Variants in TPRG1 observed in about 807,000 individuals in gnomAD.
The protein encoded by TPRG1 is tumor protein p63 regulated 1.
A neutral mutation model predicts 29.3 loss-of-function variants in TPRG1; 29 were observed. The ratio of observed to expected loss-of-function variants is 0.99; its 90% CI spans 0.74 to 1.35. The LOEUF (loss-of-function observed/expected upper bound fraction) is 1.35, where lower values mean the gene tolerates loss of function less well. Ranked by LOEUF, TPRG1 falls within the 40% of genes most tolerant of loss-of-function variation. The pLI, the probability that TPRG1 is intolerant of heterozygous loss-of-function variation, is 0.00. For missense variants in TPRG1, 327 were observed against 335.0 expected (o/e 0.98, Z 0.19); for synonymous variants, 130 against 116.8 (o/e 1.11, Z -0.73).
intron 5 of TPRG1, among the ~76,000 whole-genome samples, chr3:189,159,311 G>T (rs1727131775): frequency 6.6e-6 from 1 of 152,184 alleles, no homozygotes; most frequent in South Asian, 2.1e-4. Context: ...GGTTTCACAA[G>T]GAAGGGGTCT....
At chr3:189,146,282 A>G (rs1462274933) in intron 3 of TPRG1, among the ~76,000 whole-genome samples, 1 of 152,194 alleles carries the variant, frequency 6.6e-6, no homozygotes, top group Non-Finnish European at 1.5e-5. Context: ...CCAAAGGATA[A>G]AGATGTGACC....
chr3:189,106,191 T>C (rs1719806878), intron 1 of TPRG1, among the ~76,000 whole-genome samples: 1 of 152,186 alleles, frequency 6.6e-6, no homozygotes, highest in Non-Finnish European at 1.5e-5. Context: ...GAGATCATTA[T>C]GATGACCACA....
At chr3:189,115,687 A>G (rs935886656) in intron 1 of TPRG1, among the ~76,000 whole-genome samples, 20 of 152,226 alleles carry the variant, frequency 1.3e-4, no homozygotes, top group African/African-American at 4.8e-4. Flanking sequence ...CATGGTCTCT[A>G]AATTGTATTA....
At chr3:189,164,459 G>T (rs564143580) in intron 5 of TPRG1, among the ~76,000 whole-genome samples, 1 of 152,212 alleles carries the variant, frequency 6.6e-6, no homozygotes, top group African/African-American at 2.4e-5. Context: ...ACCAAGCCTG[G>T]CCCCTACTTT....
chr3:189,307,164 A>G (rs1228443216), intron 4 of TPRG1, among the ~76,000 whole-genome samples: 1 of 152,162 alleles, frequency 6.6e-6, no homozygotes, highest in East Asian at 1.9e-4. Flanking sequence ...TTGGGATTAC[A>G]GGCTCCCACC....
chr3:189,088,427 C>A (rs565939099), intron 4 of TPRG1, among the ~76,000 whole-genome samples: 2 of 152,208 alleles, frequency 1.3e-5, no homozygotes, highest in South Asian at 4.2e-4. Context: ...TTTCTAAATA[C>A]ACAATCATGT....
At chr3:189,114,585 A>G (rs1560457928) in intron 1 of TPRG1, among the ~76,000 whole-genome samples, 1 of 152,078 alleles carries the variant, frequency 6.6e-6, no homozygotes, top group African/African-American at 2.4e-5. Context: ...TATTTCATGA[A>G]TGACACATAG....
At chr3:189,250,515 C>G (rs529876811) in intron 4 of TPRG1, among the ~76,000 whole-genome samples, 4 of 106,704 alleles carry the variant, frequency 3.7e-5, no homozygotes, top group Non-Finnish European at 7.9e-5. Flanking sequence ...CCCCCCCCCC[C>G]CCACCCAGAT....
chr3:189,000,257 T>G (rs560443643), intron 1 of TPRG1, among the ~76,000 whole-genome samples: 24 of 152,264 alleles, frequency 1.6e-4, no homozygotes, highest in Admixed American at 5.9e-4. Context: ...TGGTGGTGGT[T>G]GTTGGATTCA....
At chr3:189,025,371 G>T (rs1449366187) in intron 4 of TPRG1, among the ~76,000 whole-genome samples, 1 of 152,154 alleles carries the variant, frequency 6.6e-6, no homozygotes, top group Non-Finnish European at 1.5e-5. Flanking sequence ...CCACTGCCCT[G>T]CCCTGCTTTT....
At chr3:189,245,605 C>T (rs7621348) in intron 4 of TPRG1, among the ~76,000 whole-genome samples, 9,099 of 152,082 alleles carry the variant, frequency 0.06, 627 homozygotes, top group African/African-American at 0.17. Context: ...TTTTATGAAG[C>T]TCATTATGAT....
At chr3:189,183,253 G>C (rs1395893521) in intron 1 of TPRG1, among the ~76,000 whole-genome samples, 5 of 152,128 alleles carry the variant, frequency 3.3e-5, no homozygotes, top group African/African-American at 1.2e-4. Flanking sequence ...GTTTTTATTA[G>C]GGACTTTCAA....
intron 1 of TPRG1, among the ~76,000 whole-genome samples, chr3:189,186,614 C>T (rs1730955310): frequency 6.6e-6 from 1 of 151,830 alleles, no homozygotes; most frequent in East Asian, 1.9e-4. Context: ...GGTATTTGAC[C>T]TGTTTTATAA....
At chr3:189,141,973 A>T (rs1289637830) in intron 3 of TPRG1, among the ~76,000 whole-genome samples, 3 of 152,184 alleles carry the variant, frequency 2.0e-5, no homozygotes, top group African/African-American at 7.2e-5. Context: ...AGGATGACAA[A>T]GATGGAGACA....
chr3:189,245,625 T>G (rs1741261807), intron 4 of TPRG1, among the ~76,000 whole-genome samples: 1 of 152,204 alleles, frequency 6.6e-6, no homozygotes, highest in South Asian at 2.1e-4. Flanking sequence ...TATATCTTTG[T>G]GAATTTGTCA....
In TPRG1 at chr3:189,079,739, T is replaced by A. The variant is rs185301355; in HGVS notation, c.-462-47318T>A. ...GCAATTACTACAGTGAAAAACTAAA[T>A]CATTCAATCTTTATTGGCTTTCTGG... On this transcript the variant is annotated intron_variant, in intron 4 of 10. Transcript: ENST00000433971. Among the ~76,000 whole-genome samples, 7 of 152,322 alleles carry A rather than the reference T, an allele frequency of 4.6e-5. No individual in the cohort carries two copies. The East Asian group carries it at 1.3e-3, about 29-fold the overall frequency.
intron 4 of TPRG1, among the ~76,000 whole-genome samples, chr3:189,148,151 C>G (rs571672257): frequency 2.0e-5 from 3 of 152,158 alleles, no homozygotes; most frequent in Admixed American, 6.5e-5. Context: ...GCTATAAAAC[C>G]TTTCTGCTCC....
intron 4 of TPRG1, among the ~76,000 whole-genome samples, chr3:189,300,920 G>T (rs1476943872): frequency 6.6e-6 from 1 of 152,150 alleles, no homozygotes; most frequent in Non-Finnish European, 1.5e-5. Context: ...GCTCTCACTA[G>T]TTCTGTGCCT....
At chr3:189,010,818 C>G (rs1231484261) in intron 3 of TPRG1, among the ~76,000 whole-genome samples, 1 of 150,956 alleles carries the variant, frequency 6.6e-6, no homozygotes, top group African/African-American at 2.4e-5. Flanking sequence ...TTGGCATCTT[C>G]CTCATGAACT....
Sources: gnomAD v4.1 joint callset for allele counts (sites outside exome capture counted in the v4.1 genomes callset) on GRCh38, gnomAD v4.1.1 for gene constraint, MANE v1.5 for transcripts, NCBI Gene and HGNC (gene_info 2026-07-23, HGNC 2026-07-21) for gene names.